TTC7B: variants seen among roughly 807,000 people sequenced by gnomAD.
TTC7B encodes the protein tetratricopeptide repeat protein 7B.
TTC7B carries 28 observed loss-of-function variants against 106.8 expected under a neutral mutation model. That is an observed-to-expected ratio of 0.26 (90% CI 0.19 to 0.36). TTC7B has a LOEUF of 0.36. Ranked by LOEUF, TTC7B falls within the 10% of genes least tolerant of loss-of-function variation. TTC7B has a pLI of 1.00. For synonymous variants in TTC7B, 405 were observed against 430.6 expected (o/e 0.94, Z 0.74); for missense variants, 862 against 1,076.4 (o/e 0.80, Z 2.79).
intron 9 of TTC7B, among the ~76,000 whole-genome samples, chr14:90,672,662 C>A (rs1343905426): frequency 6.6e-6 from 1 of 152,192 alleles, no homozygotes. Flanking sequence ...CATTCACCTG[C>A]CAATTAACAT....
At chr14:90,743,349 C>T (rs982891073) in intron 4 of TTC7B, among the ~76,000 whole-genome samples, 3 of 152,160 alleles carry the variant, frequency 2.0e-5, no homozygotes, top group Non-Finnish European at 4.4e-5. Flanking sequence ...TGCACCAACA[C>T]ATGACAATAT....
intron 3 of TTC7B, among the ~76,000 whole-genome samples, chr14:90,775,517 A>G (rs1415635222): frequency 6.6e-6 from 1 of 152,134 alleles, no homozygotes; most frequent in Non-Finnish European, 1.5e-5. Context: ...CCACCCCAGC[A>G]GCAGGGAGGA....
In TTC7B at chr14:90,805,695, G is replaced by A. The variant is rs181828929; in HGVS notation, c.121+10480C>T. 7.4e-4 allele frequency among the ~76,000 whole-genome samples: 112 copies of A among 152,336 alleles called. No homozygotes were observed. The highest frequency in any genetic ancestry group is 2.6e-3 in the African/African-American group (107 of 41,570). Reference sequence around the variant, plus strand: ...GAGGCTGCAATAACCAGCTCCCAACGACTTGTATACAGAGATAAAGCCTGA... The same window carrying A: ...GAGGCTGCAATAACCAGCTCCCAACAACTTGTATACAGAGATAAAGCCTGA... On this transcript the variant is annotated intron_variant, in intron 1 of 19. Transcript: ENST00000328459. The surrounding 1 kb of genome is among the most constrained non-coding windows in gnomAD (Gnocchi z 4.0).
chr14:90,781,449 C>T (rs151049962), intron 2 of TTC7B, among the ~76,000 whole-genome samples: 2 of 152,312 alleles, frequency 1.3e-5, no homozygotes, highest in Non-Finnish European at 2.9e-5. Flanking sequence ...ATGTGAATCA[C>T]ACTTCAATAA....
At chr14:90,549,474 G>A (rs907035401) in intron 19 of TTC7B, among the ~76,000 whole-genome samples, 4 of 152,246 alleles carry the variant, frequency 2.6e-5, no homozygotes, top group Non-Finnish European at 4.4e-5. Flanking sequence ...TGACAGTGCT[G>A]CTGAGCTGGC....
Position 90,805,570 on chromosome 14 carries a change from C to T in TTC7B, c.121+10605G>A, listed in dbSNP as rs568544209. Among the ~76,000 whole-genome samples the T allele has an allele frequency of 2.6e-5, 4 of 152,266 alleles. No homozygotes were observed. The highest frequency in any genetic ancestry group is 9.6e-5 in the African/African-American group (4 of 41,548). On this transcript the variant is annotated intron_variant, in intron 1 of 19. Coordinates refer to ENST00000328459, the MANE Select transcript of TTC7B (RefSeq NM_001010854.2). The surrounding 1 kb of genome is among the most constrained non-coding windows in gnomAD (Gnocchi z 4.0). ...CATGAGCCACCGCGCCCGGCCTAAA[C>T]CTCACCTCTATCTGCAAGGTTGGAA...
intron 3 of TTC7B, among the ~76,000 whole-genome samples, chr14:90,745,421 T>A (rs1889929521): frequency 6.6e-6 from 1 of 152,190 alleles, no homozygotes; most frequent in Non-Finnish European, 1.5e-5. Context: ...TTATAAGTTT[T>A]TCTTAGACGC....
chr14:90,729,956 T>G, intron 5 of TTC7B, 119 bp downstream of exon 5: 1 of 1,104,412 alleles, frequency 9.1e-7, no homozygotes, highest in East Asian at 2.6e-5. Flanking sequence ...AAAAAAAAGT[T>G]CCAATGGTAG....
At chr14:90,579,830 C>T (rs1006897825) in intron 18 of TTC7B, among the ~76,000 whole-genome samples, 4 of 152,232 alleles carry the variant, frequency 2.6e-5, no homozygotes, top group East Asian at 3.9e-4. Context: ...ACAACAACAA[C>T]GAAAAAAACA....
intron 9 of TTC7B, among the ~76,000 whole-genome samples, chr14:90,674,082 C>T (rs530355791): frequency 1.2e-4 from 18 of 151,518 alleles, no homozygotes; most frequent in Admixed American, 8.5e-4. Flanking sequence ...AGGTTTGTTA[C>T]GTGAATTGTA....
chr14:90,706,909 G>T (rs1297571206), intron 5 of TTC7B, among the ~76,000 whole-genome samples: 1 of 152,144 alleles, frequency 6.6e-6, no homozygotes, highest in Non-Finnish European at 1.5e-5. Flanking sequence ...ACATATGTGT[G>T]TATATGCACA....
At chr14:90,621,447 C>T (rs534582034) in intron 15 of TTC7B, among the ~76,000 whole-genome samples, 11 of 150,862 alleles carry the variant, frequency 7.3e-5, no homozygotes, top group African/African-American at 2.0e-4. Flanking sequence ...CACGTGGGTA[C>T]GGCCGGGACA....
intron 3 of TTC7B, among the ~76,000 whole-genome samples, chr14:90,773,270 GA>G (rs1890920767): frequency 6.6e-6 from 1 of 152,204 alleles, no homozygotes; most frequent in Non-Finnish European, 1.5e-5. Flanking sequence ...CTGTTTTGCA[GA>G]TAAGAAAAGT....
intron 15 of TTC7B, among the ~76,000 whole-genome samples, chr14:90,627,330 C>T (rs1884489365): frequency 6.6e-6 from 1 of 152,100 alleles, no homozygotes. Flanking sequence ...GAAGGGGTCG[C>T]AGCACACAAG....
rs187893721 is a variant in TTC7B at position 90,736,704 on chromosome 14, G to T, written c.577-6508C>A. On this transcript the variant is annotated intron_variant, in intron 4 of 19. Coordinates refer to ENST00000328459, the MANE Select transcript of TTC7B (RefSeq NM_001010854.2). Reference sequence around the variant, plus strand: ...GTTCAAGACCAGCCTGGGCAACAAAGTGAGAACCTGTCTACAAAAAATTTA... The same window carrying T: ...GTTCAAGACCAGCCTGGGCAACAAATTGAGAACCTGTCTACAAAAAATTTA... Among the ~76,000 whole-genome samples, 219 of 152,052 alleles carry T rather than the reference G, an allele frequency of 1.4e-3. 1 individual carries two copies. The highest frequency in any genetic ancestry group is 5.2e-3 in the African/African-American group (214 of 41,446).
At chr14:90,611,380 C>T (rs1316089063) in intron 16 of TTC7B, among the ~76,000 whole-genome samples, 1 of 152,200 alleles carries the variant, frequency 6.6e-6, no homozygotes, top group Non-Finnish European at 1.5e-5. Context: ...TTCACAGCTC[C>T]TCAGATGGTT....
intron 15 of TTC7B, among the ~76,000 whole-genome samples, chr14:90,641,234 C>G (rs550215382): frequency 5.9e-5 from 9 of 152,160 alleles, no homozygotes; most frequent in African/African-American, 1.9e-4. Context: ...TTCATGGTGA[C>G]AGGAATGTAA....
At chr14:90,789,934 A>G (rs911144643) in intron 1 of TTC7B, among the ~76,000 whole-genome samples, 5 of 151,494 alleles carry the variant, frequency 3.3e-5, no homozygotes, top group Admixed American at 1.3e-4. Flanking sequence ...TCAACATGCA[A>G]TCATATTTTT....
intron 19 of TTC7B, among the ~76,000 whole-genome samples, chr14:90,543,748 CT>C (rs1889700936): frequency 1.3e-5 from 2 of 152,244 alleles, no homozygotes; most frequent in South Asian, 4.1e-4. Flanking sequence ...TTATGGCCCT[CT>C]GCTCTTTCAA....
Sources: allele counts gnomAD v4.1 joint callset (sites outside exome capture counted in the v4.1 genomes callset), GRCh38; gene constraint gnomAD v4.1.1; non-coding constraint Gnocchi (gnomAD v3.1); transcripts MANE v1.5; gene names NCBI Gene and HGNC (gene_info 2026-07-23, HGNC 2026-07-21).